TENM2: variants seen among roughly 807,000 people sequenced by gnomAD.
The protein encoded by TENM2 is teneurin-2.
TENM2 carries 52 observed loss-of-function variants against 245.2 expected under a neutral mutation model. The ratio of observed to expected loss-of-function variants is 0.21; its 90% CI spans 0.17 to 0.27. The LOEUF (loss-of-function observed/expected upper bound fraction) is 0.27, where lower values mean the gene tolerates loss of function less well. TENM2 is among the 10% of genes least tolerant of loss of function. The probability of loss-of-function intolerance (pLI) is 1.00; values close to 1 mark genes in which losing one functional copy is unlikely to be tolerated. For synonymous variants in TENM2, 1,363 were observed against 1,438.9 expected (o/e 0.95, Z 1.19); for missense variants, 3,046 against 3,666.8 (o/e 0.83, Z 4.37).
the TENM2 span, among the ~76,000 whole-genome samples, chr5:167,130,662 C>T: frequency 1.3e-5 from 2 of 152,164 alleles, no homozygotes; most frequent in Non-Finnish European, 2.9e-5. Flanking sequence ...CCCCCTAACA[C>T]ATGGATCCCC....
intron 15 of TENM2, 124 bp from the exon 18 acceptor site, chr5:168,198,729 C>T (rs931188080): frequency 1.6e-6 from 2 of 1,264,990 alleles, no homozygotes; most frequent in Middle Eastern, 2.0e-4. Context: ...ACCTGTCTGC[C>T]TCCAAAGCCC....
At chr5:167,607,987 G>A (rs1374658871) in intron 2 of TENM2, among the ~76,000 whole-genome samples, 1 of 151,898 alleles carries the variant, frequency 6.6e-6, no homozygotes, top group East Asian at 1.9e-4. Context: ...AGAGCGCTTG[G>A]CCAACGTATT....
intron 12 of TENM2, among the ~76,000 whole-genome samples, chr5:168,139,979 G>A (rs959505479): frequency 6.6e-6 from 1 of 152,164 alleles, no homozygotes; most frequent in Non-Finnish European, 1.5e-5. Context: ...CAAGACTGGG[G>A]GCCAAATGGA....
intron 27 of TENM2, among the ~76,000 whole-genome samples, chr5:168,254,436 AG>A (rs1014823599): frequency 6.7e-6 from 1 of 150,002 alleles, no homozygotes; most frequent in African/African-American, 2.4e-5. Flanking sequence ...AAAGAGGGAA[AG>A]GGGAGGGAGA....
At chr5:167,754,822 G>A in intron 2 of TENM2, 1 of 395,718 alleles carries the variant, frequency 2.5e-6, no homozygotes, top group Non-Finnish European at 4.5e-6. Context: ...GTTGGCATTT[G>A]GCTGGCAGCG....
chr5:167,254,998 T>C, the TENM2 span, among the ~76,000 whole-genome samples: 3 of 151,960 alleles, frequency 2.0e-5, no homozygotes, highest in African/African-American at 4.8e-5. Context: ...GCCGTGGGAA[T>C]GAATGAGTTT....
chr5:167,911,008 T>C (rs1320298325), intron 3 of TENM2, among the ~76,000 whole-genome samples: 2 of 152,164 alleles, frequency 1.3e-5, no homozygotes, highest in Non-Finnish European at 2.9e-5. Context: ...AAACCTGTTA[T>C]TAAGAGCTCA....
intron 2 of TENM2, among the ~76,000 whole-genome samples, chr5:167,762,779 T>C (rs942149763): frequency 6.6e-6 from 1 of 152,194 alleles, no homozygotes; most frequent in African/African-American, 2.4e-5. Flanking sequence ...AATGCTTCAT[T>C]AAGTTTACAT....
At chr5:167,914,040 A>G (rs1776742847) in intron 3 of TENM2, among the ~76,000 whole-genome samples, 1 of 152,192 alleles carries the variant, frequency 6.6e-6, no homozygotes. Flanking sequence ...TATAGAAGGG[A>G]AAATCACCTG....
chr5:168,121,718 ATT>A (rs35236471), intron 10 of TENM2, among the ~76,000 whole-genome samples: 1 of 148,410 alleles, frequency 6.7e-6, no homozygotes, highest in African/African-American at 2.5e-5. Context: ...AAAGATTGTG[ATT>A]TTTTTTTTTT....
At chr5:167,755,397 C>T (rs1762243871) in intron 2 of TENM2, among the ~76,000 whole-genome samples, 1 of 150,892 alleles carries the variant, frequency 6.6e-6, no homozygotes, top group Non-Finnish European at 1.5e-5. Context: ...TAATTCCTAT[C>T]AGGTTGTTGA....
the TENM2 span, among the ~76,000 whole-genome samples, chr5:167,196,534 G>GTGTGTGTA: frequency 6.8e-6 from 1 of 146,204 alleles, no homozygotes; most frequent in African/African-American, 2.7e-5. Context: ...ATATGTGTGT[G>GTGTGTGTA]TACATATATG....
intron 3 of TENM2, among the ~76,000 whole-genome samples, chr5:167,880,430 G>A (rs78761803): frequency 0.017 from 2,577 of 152,244 alleles, 69 homozygotes; most frequent in African/African-American, 0.059. Context: ...ATGCTCAAAT[G>A]TATAAAGTCC....
the TENM2 span, among the ~76,000 whole-genome samples, chr5:167,210,403 A>G: frequency 2.0e-4 from 31 of 151,902 alleles, no homozygotes; most frequent in African/African-American, 6.5e-4. Flanking sequence ...CTTTGCCTAA[A>G]TTAATACTCA....
intron 3 of TENM2, among the ~76,000 whole-genome samples, chr5:167,948,400 A>G (rs775649398): frequency 6.6e-6 from 1 of 152,258 alleles, no homozygotes; most frequent in Non-Finnish European, 1.5e-5. Context: ...ATTCTTTAGC[A>G]GGACAGACAG....
At chr5:167,953,039 G>A (rs147275082) in intron 4 of TENM2, among the ~76,000 whole-genome samples, 1 of 152,248 alleles carries the variant, frequency 6.6e-6, no homozygotes, top group East Asian at 1.9e-4. Flanking sequence ...TTTAAAGCTT[G>A]TTTACTTTCT....
intron 2 of TENM2, among the ~76,000 whole-genome samples, chr5:167,489,740 A>G (rs942818405): frequency 6.6e-6 from 1 of 152,204 alleles, no homozygotes; most frequent in Non-Finnish European, 1.5e-5. Flanking sequence ...TACTGGATAT[A>G]CATGCTTTTC....
At chr5:168,100,413 A>G (rs191845407) in intron 9 of TENM2, among the ~76,000 whole-genome samples, 1 of 150,320 alleles carries the variant, frequency 6.7e-6, no homozygotes, top group African/African-American at 2.5e-5. Flanking sequence ...AAATCATTCT[A>G]CTATAAAGAC....
chr5:167,311,319 G>A (rs1756016708), intron 1 of TENM2, among the ~76,000 whole-genome samples: 4 of 152,132 alleles, frequency 2.6e-5, no homozygotes, highest in African/African-American at 9.7e-5. Context: ...AATTAAAATA[G>A]CCTATCATTT....
Sources: gnomAD v4.1 joint callset for allele counts (sites outside exome capture counted in the v4.1 genomes callset) on GRCh38, gnomAD v4.1.1 for gene constraint, MANE v1.5 for transcripts, NCBI Gene and HGNC (gene_info 2026-07-23, HGNC 2026-07-21) for gene names.